The following ATXN7 variants were observed in gnomAD, a reference collection of about 807,000 sequenced individuals.
ATXN7 encodes ataxin 7, also known as ataxin-7.
ATXN7 carries 12 observed loss-of-function variants against 70.5 expected under a neutral mutation model. That is an observed-to-expected ratio of 0.17 (90% CI 0.11 to 0.28). ATXN7 has a LOEUF of 0.28. ATXN7 is among the 10% of genes least tolerant of loss of function. The probability of loss-of-function intolerance (pLI) is 1.00; values close to 1 mark genes in which losing one functional copy is unlikely to be tolerated. For missense variants in ATXN7, 1,256 were observed against 1,131.7 expected (o/e 1.11, Z -1.58); for synonymous variants, 498 against 448.7 (o/e 1.11, Z -1.39).
intron 1 of ATXN7, among the ~76,000 whole-genome samples, chr3:63,891,108 C>T (rs1008781771): frequency 6.6e-6 from 1 of 152,110 alleles, no homozygotes; most frequent in Non-Finnish European, 1.5e-5. Flanking sequence ...CTCCCGGGTT[C>T]AAGTGATTCT....
rs1005815608 is a variant in ATXN7 at position 64,002,157 on chromosome 3, A to C, written c.*2690A>C. ...TTAAAAATGAATTGTACATATTTAA[A>C]TATGTATTTTTGCACAGGTCTTTTT... On this transcript the variant is annotated 3_prime_UTR_variant, in exon 13 of 13. Transcript: ENST00000674280. 1 of 152,576 alleles carries C rather than the reference A, an allele frequency of 6.6e-6. No individual in the cohort carries two copies. The highest frequency in any genetic ancestry group is 2.4e-5 in the African/African-American group (1 of 41,436). 9.5% of individuals were successfully genotyped at this position (152,576 alleles called of 1,614,324 possible).
At chr3:63,968,070 TA>T in intron 5 of ATXN7, 1 of 982,110 alleles carries the variant, frequency 1.0e-6, no homozygotes, top group South Asian at 1.4e-5. Flanking sequence ...TTGCTAACCT[TA>T]CATAGAACCA....
At chr3:63,920,178 G>A (rs1482423163) in intron 4 of ATXN7, among the ~76,000 whole-genome samples, 1 of 152,112 alleles carries the variant, frequency 6.6e-6, no homozygotes, top group Non-Finnish European at 1.5e-5. Flanking sequence ...GAACCCTCAT[G>A]TTTCGCAATT....
chr3:63,939,069 A>G (rs1575923888), intron 4 of ATXN7, among the ~76,000 whole-genome samples: 1 of 152,024 alleles, frequency 6.6e-6, no homozygotes, highest in Non-Finnish European at 1.5e-5. Context: ...GCCTGAAACT[A>G]GGGGAGAATC....
At chr3:63,979,455 A>C (rs1272076812) in intron 5 of ATXN7, among the ~76,000 whole-genome samples, 1 of 152,230 alleles carries the variant, frequency 6.6e-6, no homozygotes, top group African/African-American at 2.4e-5. Context: ...AAGAAGGTAC[A>C]ACTTGTTTCT....
chr3:63,891,162 AC>A (rs1483045239), intron 1 of ATXN7, among the ~76,000 whole-genome samples: 1 of 152,014 alleles, frequency 6.6e-6, no homozygotes, highest in Admixed American at 6.6e-5. Flanking sequence ...GGCACGCAGC[AC>A]CACGCCTGGC....
intron 12 of ATXN7, 30 bp downstream of exon 12, chr3:63,996,513 A>G (rs777049269): frequency 1.2e-6 from 2 of 1,600,262 alleles, no homozygotes; most frequent in Non-Finnish European, 1.7e-6. Context: ...CCCCATGGGA[A>G]TGCCCATTTC....
intron 5 of ATXN7, among the ~76,000 whole-genome samples, chr3:63,978,416 T>C (rs2075428032): frequency 6.6e-6 from 1 of 152,172 alleles, no homozygotes; most frequent in East Asian, 1.9e-4. Context: ...CTAAGGCAGG[T>C]GACAAAACTG....
At chr3:63,926,414 A>G (rs1416716986) in intron 4 of ATXN7, among the ~76,000 whole-genome samples, 2 of 152,184 alleles carry the variant, frequency 1.3e-5, no homozygotes, top group East Asian at 1.9e-4. Context: ...AGTCGTGCAT[A>G]TTGTGGATAA....
At chr3:63,954,122 G>A (rs1182814070) in intron 5 of ATXN7, among the ~76,000 whole-genome samples, 2 of 152,156 alleles carry the variant, frequency 1.3e-5, no homozygotes, top group African/African-American at 2.4e-5. Flanking sequence ...CCCTAGGGTA[G>A]GCACTAGAGT....
intron 11 of ATXN7, among the ~76,000 whole-genome samples, chr3:63,993,198 C>T (rs2075699463): frequency 6.6e-6 from 1 of 151,812 alleles, no homozygotes. Context: ...AACTACTTGT[C>T]CTCTGTTGAT....
chr3:63,882,070 G>A (rs1702929764), intron 1 of ATXN7, among the ~76,000 whole-genome samples: 1 of 152,184 alleles, frequency 6.6e-6, no homozygotes, highest in Non-Finnish European at 1.5e-5. Context: ...TGCACCCAGT[G>A]TGACAGTGTT....
intron 2 of ATXN7, among the ~76,000 whole-genome samples, chr3:63,899,655 C>G (rs953433210): frequency 6.6e-6 from 1 of 151,948 alleles, no homozygotes; most frequent in Non-Finnish European, 1.5e-5. Context: ...GCTCTGTCGC[C>G]CAGGCTGGAG....
rs201420100 is a variant in ATXN7 at position 63,996,383 on chromosome 3, C to T, written c.2561C>T (p.Thr854Ile). ...SSINNSSSKP[T>I]KVAKVPAVNN... Reference sequence around the variant, plus strand: ...ATCAACAACAGCAGCAGCAAACCCACAAAGGTTGCCAAAGTGCCAGCCGTG... The same window carrying T: ...ATCAACAACAGCAGCAGCAAACCCATAAAGGTTGCCAAAGTGCCAGCCGTG... Residue 854 changes from threonine to isoleucine, a missense_variant, in exon 12 of 13, where the codon ACA (threonine) becomes ATA (isoleucine). Transcript: ENST00000674280. 10 of 1,614,160 alleles carry T rather than the reference C, an allele frequency of 6.2e-6. No individual in the cohort carries two copies. The East Asian group carries it at 2.0e-4, about 32-fold the overall frequency.
intron 1 of ATXN7, among the ~76,000 whole-genome samples, chr3:63,895,776 T>C (rs1703425173): frequency 6.6e-6 from 1 of 151,862 alleles, no homozygotes. Flanking sequence ...CTCTCTCTTG[T>C]TTCTCTGTCT....
At chr3:63,863,840 GTT>G, upstream of ATXN7, 1 of 1,222,112 alleles carries the variant, frequency 8.2e-7, no homozygotes, top group Non-Finnish European at 1.0e-6. Flanking sequence ...TGAGGCGGCG[GTT>G]GGCGGCGGCG....
intron 4 of ATXN7, among the ~76,000 whole-genome samples, chr3:63,921,592 T>C (rs1348924305): frequency 6.6e-6 from 1 of 152,196 alleles, no homozygotes; most frequent in Non-Finnish European, 1.5e-5. Context: ...CAGGGAACCC[T>C]GTTTCTGTGT....
chr3:63,871,555 A>C (rs904204062), intron 1 of ATXN7, among the ~76,000 whole-genome samples: 1 of 152,232 alleles, frequency 6.6e-6, no homozygotes, highest in African/African-American at 2.4e-5. Context: ...AACAAAACAT[A>C]GAAAGTGATC....
In ATXN7 at chr3:63,996,270, C is replaced by G; in HGVS notation, c.2448C>G (p.Val816=). ...PFIHQSNELP[V]NSHGSFSHSH... ...TTCACCAGTCCAATGAACTGCCTGT[C>G]AACTCCCACGGCAGTTTTTCCCACT... The change falls in exon 12 of 13, where the codon GTC becomes GTG. Residue 816 remains valine, a synonymous_variant. Transcript: ENST00000674280. 1 of 1,614,150 alleles carries G rather than the reference C, an allele frequency of 6.2e-7. No homozygotes were observed. The highest frequency in any genetic ancestry group is 8.5e-7 in the Non-Finnish European group (1 of 1,180,030).
Sources: gnomAD v4.1 joint callset for allele counts (sites outside exome capture counted in the v4.1 genomes callset) on GRCh38, gnomAD v4.1.1 for gene constraint, MANE v1.5 for transcripts, NCBI Gene and HGNC (gene_info 2026-07-23, HGNC 2026-07-21) for gene names.